Variants in GLB1 observed in about 807,000 individuals in gnomAD.
The protein encoded by GLB1 is beta-galactosidase.
A neutral mutation model predicts 74.0 loss-of-function variants in GLB1; 56 were observed. The observed-to-expected ratio is 0.76, with a 90% CI of 0.61 to 0.94. GLB1 has a LOEUF of 0.94. GLB1 is among the 40% of genes least tolerant of loss of function. GLB1 has a pLI of 0.00. For missense variants in GLB1, 787 were observed against 845.5 expected, an observed-to-expected ratio of 0.93 and a Z score of 0.86; for synonymous variants, 323 against 323.6, an observed-to-expected ratio of 1.00 and a Z score of 0.02.
intron 10 of GLB1, among the ~76,000 whole-genome samples, chr3:33,031,646 T>C (rs1389524949): frequency 4.0e-5 from 2 of 50,496 alleles, no homozygotes; most frequent in African/African-American, 8.9e-5. Flanking sequence ...AAAAAATATA[T>C]ATATATATAT....
chr3:32,977,160 A>AG, the GLB1 span, among the ~76,000 whole-genome samples: 3 of 151,832 alleles, frequency 2.0e-5, no homozygotes, highest in African/African-American at 7.3e-5. Flanking sequence ...TGAGCCTTCC[A>AG]GGTGTTCACA....
chr3:33,014,233 T>C lies in GLB1; in HGVS notation c.1557A>G (p.Ala519=), dbSNP rs1296145480. Residue 519 remains alanine (A), a synonymous_variant, in exon 15 of 16, where the codon GCA becomes GCG. Coordinates refer to ENST00000307363, the MANE Select transcript of GLB1 (RefSeq NM_000404.4). Reference sequence around the variant, plus strand: ...CCCAGCCCCCCAGGTGGCTGCACACTGCATCCTCAGTGTCCAGTGGAAAGA... The same window carrying C: ...CCCAGCCCCCCAGGTGGCTGCACACCGCATCCTCAGTGTCCAGTGGAAAGA... The part of the protein sequence containing the change: ...WTIFPLDTED[A]VCSHLGGWGH... The C allele has an allele frequency of 3.7e-6, 6 of 1,614,146 alleles. 1 individual carries two copies. In the Middle Eastern group the frequency reaches 9.9e-4, roughly 266 times the overall value.
At chr3:33,021,898 G>A (rs1480578900) in intron 11 of GLB1, among the ~76,000 whole-genome samples, 2 of 152,020 alleles carry the variant, frequency 1.3e-5, no homozygotes, top group Admixed American at 1.3e-4. Context: ...ATACCTATTC[G>A]GAAGTCCAAC....
the GLB1 span, among the ~76,000 whole-genome samples, chr3:32,981,471 T>C: frequency 1.3e-5 from 2 of 149,214 alleles, no homozygotes; most frequent in Non-Finnish European, 3.0e-5. Flanking sequence ...TCTTTTTACG[T>C]TGGATATTTT....
Position 33,097,141 on chromosome 3 carries a change from TTGAC to T in GLB1, c.-60_-57del. ...GCCCAGGCCGGCCGCTTCGCGTCACTTGACTAAGGACCCACGGCCTGGCACCGCC... is the reference window on the plus strand; with the variant it reads ...GCCCAGGCCGGCCGCTTCGCGTCACTTAAGGACCCACGGCCTGGCACCGCC... On this transcript the variant is annotated 5_prime_UTR_variant, in exon 1 of 16. Coordinates refer to ENST00000307363, the MANE Select transcript of GLB1 (RefSeq NM_000404.4). 1.3e-6 allele frequency: 2 copies of T among 1,598,662 alleles called. No individual in the cohort carries two copies. Among genetic ancestry groups the T allele is most frequent in the Non-Finnish European group, 1.7e-6 (2 of 1,171,890 alleles).
At chr3:32,966,662 G>T in the GLB1 span, among the ~76,000 whole-genome samples, 2 of 152,188 alleles carry the variant, frequency 1.3e-5, no homozygotes, top group African/African-American at 2.4e-5. Context: ...GGGGCAGAAT[G>T]ATATGGTTTG....
At chr3:32,990,208 A>G in the GLB1 span, among the ~76,000 whole-genome samples, 1 of 152,112 alleles carries the variant, frequency 6.6e-6, no homozygotes, top group Non-Finnish European at 1.5e-5. Context: ...TCTGAGAAGC[A>G]CTTTCTGCTC....
chr3:33,064,120 T>A (rs1315205937), intron 5 of GLB1, among the ~76,000 whole-genome samples: 1 of 152,144 alleles, frequency 6.6e-6, no homozygotes, highest in Non-Finnish European at 1.5e-5. Context: ...CACTTTTACA[T>A]AACTTTACTC....
At chr3:32,962,720 AAAT>A in the GLB1 span, among the ~76,000 whole-genome samples, 4 of 151,696 alleles carry the variant, frequency 2.6e-5, no homozygotes, top group African/African-American at 7.2e-5. Flanking sequence ...GAATAGAAAT[AAAT>A]AATAATTAAA....
intron 1 of GLB1, among the ~76,000 whole-genome samples, chr3:33,073,570 C>T (rs1699968631): frequency 6.6e-6 from 1 of 152,064 alleles, no homozygotes; most frequent in African/African-American, 2.4e-5. Context: ...CGTCTATAAT[C>T]CCAGCTACTT....
At chr3:33,065,414 T>C (rs1699629761) in intron 5 of GLB1, 49 bp downstream of exon 5, 1 of 1,549,642 alleles carries the variant, frequency 6.5e-7, no homozygotes, top group African/African-American at 1.4e-5. Flanking sequence ...GTAATGTAGA[T>C]GGATGGGAAC....
intron 1 of GLB1, among the ~76,000 whole-genome samples, chr3:33,078,231 G>C (rs541462252): frequency 3.3e-5 from 5 of 152,090 alleles, no homozygotes; most frequent in Non-Finnish European, 5.9e-5. Context: ...GTGACAGAGA[G>C]GGACCCTGTC....
intron 1 of GLB1, among the ~76,000 whole-genome samples, chr3:33,082,963 T>C (rs1329596058): frequency 6.6e-6 from 1 of 152,186 alleles, no homozygotes; most frequent in African/African-American, 2.4e-5. Flanking sequence ...CATTGTTGAC[T>C]GTCACAGCCA....
chr3:33,057,365 G>A (rs1004384212), intron 6 of GLB1, among the ~76,000 whole-genome samples: 1 of 152,124 alleles, frequency 6.6e-6, no homozygotes, highest in Non-Finnish European at 1.5e-5. Context: ...TATTTATTTA[G>A]GGCAGTGCAA....
chr3:32,973,246 G>A, the GLB1 span, among the ~76,000 whole-genome samples: 26 of 152,232 alleles, frequency 1.7e-4, no homozygotes. Context: ...GAGTGCAAGG[G>A]AACACTCTGG....
chr3:33,072,449 G>T, intron 2 of GLB1, 95 bp downstream of exon 2: 1 of 1,567,854 alleles, frequency 6.4e-7, no homozygotes, highest in Non-Finnish European at 8.7e-7. Flanking sequence ...TCCCATTTCT[G>T]AGCAATAAAA....
chr3:33,024,479 G>T, intron 10 of GLB1, 154 bp from the exon 11 acceptor site: 2 of 766,588 alleles, frequency 2.6e-6, no homozygotes, highest in Non-Finnish European at 4.1e-6. Context: ...TTCTTCCAAA[G>T]CAGGATCTGG....
chr3:33,073,845 CA>C (rs1268491901), intron 1 of GLB1, among the ~76,000 whole-genome samples: 1 of 151,398 alleles, frequency 6.6e-6, no homozygotes, highest in Non-Finnish European at 1.5e-5. Context: ...CTCGTCTCTA[CA>C]AAAAAACAAA....
the GLB1 span, among the ~76,000 whole-genome samples, chr3:32,974,127 C>T: frequency 6.6e-6 from 1 of 152,188 alleles, no homozygotes; most frequent in Non-Finnish European, 1.5e-5. Context: ...GCTCCCTGCT[C>T]AACAACTAGA....
Sources: allele counts gnomAD v4.1 joint callset (sites outside exome capture counted in the v4.1 genomes callset), GRCh38; gene constraint gnomAD v4.1.1; transcripts MANE v1.5; gene names NCBI Gene and HGNC (gene_info 2026-07-23, HGNC 2026-07-21).